Variants in PCDH9 observed in about 807,000 individuals in gnomAD.
The protein encoded by PCDH9 is protocadherin-9.
A neutral mutation model predicts 70.6 loss-of-function variants in PCDH9; 24 were observed. The ratio of observed to expected loss-of-function variants is 0.34; its 90% CI spans 0.25 to 0.48. The LOEUF (loss-of-function observed/expected upper bound fraction) is 0.48, where lower values mean the gene tolerates loss of function less well. Among genes scored for constraint, PCDH9 ranks in the 20% least tolerant of loss-of-function variants. PCDH9 has a pLI of 0.99. For missense variants in PCDH9, 1,281 were observed against 1,503.6 expected, an observed-to-expected ratio of 0.85 and a Z score of 2.45; for synonymous variants, 562 against 558.5, an observed-to-expected ratio of 1.01 and a Z score of -0.09.
intron 2 of PCDH9, among the ~76,000 whole-genome samples, chr13:67,131,494 T>C (rs1434210717): frequency 6.6e-6 from 1 of 152,188 alleles, no homozygotes; most frequent in Non-Finnish European, 1.5e-5. Flanking sequence ...TAATTTTTAA[T>C]ACATGCATTT....
chr13:66,583,387 T>A (rs1424571126), intron 4 of PCDH9, among the ~76,000 whole-genome samples: 1 of 151,920 alleles, frequency 6.6e-6, no homozygotes, highest in African/African-American at 2.4e-5. Context: ...CTGAGGCAGG[T>A]GGATCACGAG....
In PCDH9 at chr13:66,412,508, C is replaced by T. The variant is rs115109035; in HGVS notation, c.3341-107480G>A. ...AAAGAGGATTTTGTTATTTCTATTG[C>T]TACTCCACTTATCATAGTATATTTG... On this transcript the variant is annotated intron_variant, in intron 4 of 4. Transcript: ENST00000377865. 3.9e-3 allele frequency among the ~76,000 whole-genome samples: 588 copies of T among 152,282 alleles called. 5 individuals are homozygous for T. Among genetic ancestry groups the T allele is most frequent in the African/African-American group, 0.014 (567 of 41,558 alleles).
At chr13:66,903,379 AT>A (rs2082308485) in intron 3 of PCDH9, 124 bp downstream of exon 3, 2 of 403,698 alleles carry the variant, frequency 5.0e-6, no homozygotes, top group African/African-American at 4.2e-5. Context: ...AAACATTAGT[AT>A]AAAAATGTGA....
At chr13:67,121,502 C>G (rs2086877064) in intron 2 of PCDH9, among the ~76,000 whole-genome samples, 1 of 152,160 alleles carries the variant, frequency 6.6e-6, no homozygotes. Flanking sequence ...TTCCTCCCAT[C>G]ATACAGAATA....
intron 2 of PCDH9, among the ~76,000 whole-genome samples, chr13:67,126,131 C>G (rs1218889854): frequency 1.3e-5 from 2 of 152,100 alleles, no homozygotes; most frequent in African/African-American, 2.4e-5. Context: ...CAAATTGACA[C>G]CATTTGGTTC....
At chr13:66,555,859 A>C (rs535988249) in intron 4 of PCDH9, among the ~76,000 whole-genome samples, 1 of 149,752 alleles carries the variant, frequency 6.7e-6, no homozygotes, top group Non-Finnish European at 1.5e-5. Flanking sequence ...AAAACTCTAG[A>C]TAATCGGTAC....
At chr13:66,545,829 TTTTA>T (rs1555304918) in intron 4 of PCDH9, among the ~76,000 whole-genome samples, 1 of 147,548 alleles carries the variant, frequency 6.8e-6, no homozygotes, top group African/African-American at 2.5e-5. Flanking sequence ...TTTTATTTTA[TTTTA>T]TTTATTTATT....
chr13:66,612,071 A>T (rs2077299761), intron 4 of PCDH9, among the ~76,000 whole-genome samples: 1 of 152,244 alleles, frequency 6.6e-6, no homozygotes. Context: ...TTTAGAAACA[A>T]ATTTAGTCTC....
At chr13:66,571,255 C>T (rs2076729098) in intron 4 of PCDH9, among the ~76,000 whole-genome samples, 1 of 151,974 alleles carries the variant, frequency 6.6e-6, no homozygotes, top group African/African-American at 2.4e-5. Flanking sequence ...CTGATCCTCC[C>T]AGACATTTAT....
intron 3 of PCDH9, among the ~76,000 whole-genome samples, chr13:66,760,846 A>G (rs9540903): frequency 0.081 from 12,391 of 152,100 alleles, 530 homozygotes; most frequent in East Asian, 0.14. Context: ...GGGAGTGTCT[A>G]TCTTATGCAG....
intron 3 of PCDH9, among the ~76,000 whole-genome samples, chr13:66,835,356 A>C (rs2139417235): frequency 6.6e-6 from 1 of 152,316 alleles, no homozygotes; most frequent in East Asian, 1.9e-4. Flanking sequence ...GTGTGGAGCC[A>C]GTCAGATTAG....
intron 4 of PCDH9, among the ~76,000 whole-genome samples, chr13:66,364,533 C>A (rs1956522375): frequency 6.6e-6 from 1 of 151,978 alleles, no homozygotes; most frequent in African/African-American, 2.4e-5. Flanking sequence ...TTTAAAAATT[C>A]TTTTTTGTGG....
At chr13:67,208,921 G>A (rs1309909615) in intron 2 of PCDH9, 4 of 152,198 alleles carry the variant, frequency 2.6e-5, no homozygotes, top group African/African-American at 7.2e-5. Flanking sequence ...GGTCATTACA[G>A]ACAACAGAAC....
rs754599954 is a variant in PCDH9 at position 67,227,575 on chromosome 13, T to A, written c.866A>T (p.Tyr289Phe). ...ADIGSNAEIR[Y>F]IFGAQVAPAT... The stretch of plus-strand genomic sequence containing the variant: ...AGGGGCGACCTGGGCACCAAAAATG[T>A]ACCGGATTTCAGCATTACTGCCTAT... The change falls in exon 2 of 5, where the codon TAC becomes TTC. Residue 289 changes from tyrosine (Y) to phenylalanine (F), a missense_variant. Coordinates refer to ENST00000377865, the MANE Select transcript of PCDH9 (RefSeq NM_203487.3). The surrounding 1 kb of genome is among the most constrained non-coding windows in gnomAD (Gnocchi z 4.6). 58 of 1,614,038 alleles carry A rather than the reference T, an allele frequency of 3.6e-5. No homozygotes were observed. In the African/African-American group the frequency reaches 6.1e-4, roughly 17 times the overall value.
intron 2 of PCDH9, among the ~76,000 whole-genome samples, chr13:67,146,742 T>C (rs927426020): frequency 6.6e-6 from 1 of 152,214 alleles, no homozygotes; most frequent in Non-Finnish European, 1.5e-5. Context: ...CTTTCAATGC[T>C]TGTGGATAAC....
At chr13:66,332,780 A>G (rs1349456896) in intron 4 of PCDH9, among the ~76,000 whole-genome samples, 1 of 151,790 alleles carries the variant, frequency 6.6e-6, no homozygotes, top group African/African-American at 2.4e-5. Flanking sequence ...TAGAAAAATC[A>G]CACTGTTTAG....
intron 4 of PCDH9, among the ~76,000 whole-genome samples, chr13:66,615,413 GTTATC>G (rs1218961936): frequency 1.3e-5 from 2 of 152,118 alleles, no homozygotes. Context: ...AATTAAAGTT[GTTATC>G]TTAAGTTATT....
chr13:66,836,469 C>T (rs1566229230), intron 3 of PCDH9, among the ~76,000 whole-genome samples: 1 of 152,086 alleles, frequency 6.6e-6, no homozygotes, highest in Non-Finnish European at 1.5e-5. Context: ...AAACTTGACC[C>T]TCTTAATAAT....
Position 66,633,591 on chromosome 13 carries a change from A to T in PCDH9, c.3139-2180T>A, listed in dbSNP as rs186033704. On this transcript the variant is annotated intron_variant, in intron 3 of 4. Coordinates refer to ENST00000377865, the MANE Select transcript of PCDH9 (RefSeq NM_203487.3). ...ACATAGCTTTTACAGTGACTGATCT[A>T]CTGAAAACTCCTAGATTTTAATGTG... Among the ~76,000 whole-genome samples the T allele has an allele frequency of 9.4e-4, 143 of 152,256 alleles. 2 individuals carry two copies. Among genetic ancestry groups the T allele is most frequent in the African/African-American group, 3.3e-3 (139 of 41,564 alleles).
Sources: allele counts gnomAD v4.1 joint callset (sites outside exome capture counted in the v4.1 genomes callset), GRCh38; gene constraint gnomAD v4.1.1; non-coding constraint Gnocchi (gnomAD v3.1); transcripts MANE v1.5; gene names NCBI Gene and HGNC (gene_info 2026-07-23, HGNC 2026-07-21).